Variants in PRKDC observed in about 807,000 individuals in gnomAD.
The protein encoded by PRKDC is protein kinase, DNA-activated, catalytic subunit.
A neutral mutation model predicts 486.9 loss-of-function variants in PRKDC; 82 were observed. The ratio of observed to expected loss-of-function variants is 0.17; its 90% CI spans 0.14 to 0.20. PRKDC has a LOEUF of 0.20. Ranked by LOEUF, PRKDC falls within the 10% of genes least tolerant of loss-of-function variation. PRKDC has a pLI of 1.00. For synonymous variants in PRKDC, 1,895 were observed against 1,837.0 expected, an observed-to-expected ratio of 1.03 and a Z score of -0.81; for missense variants, 4,504 against 5,038.2, an observed-to-expected ratio of 0.89 and a Z score of 3.21.
chr8:47,952,933 A>G (rs2090649484), intron 7 of PRKDC, among the ~76,000 whole-genome samples: 1 of 152,196 alleles, frequency 6.6e-6, no homozygotes. Context: ...TGAGGTCAGG[A>G]GTTCGAAACC....
rs1438755115 is a variant in PRKDC at position 47,820,699 on chromosome 8, T to C, written c.9336+20A>G. On this transcript the variant is annotated intron_variant, in intron 66 of 85. Coordinates refer to ENST00000314191, the MANE Select transcript of PRKDC (RefSeq NM_006904.7). ...TACACTATATATATACAAGCATATA[T>C]ATATAATATATAGTATTACCTGCAT... The C allele has an allele frequency of 2.4e-6, 3 of 1,254,350 alleles. No homozygotes were observed. Among genetic ancestry groups the C allele is most frequent in the Non-Finnish European group, 3.2e-6 (3 of 928,366 alleles). 77.7% of individuals were successfully genotyped at this position (1,254,350 alleles called of 1,614,324 possible). A position where few individuals can be genotyped will look rare whatever the true frequency, so the allele number is the denominator to read the frequency against.
chr8:47,890,286 G>A lies in PRKDC; in HGVS notation c.4042C>T (p.Leu1348=). Residue 1348 remains leucine, a synonymous_variant, in exon 32 of 86, where the codon CTG becomes TTG. Coordinates refer to ENST00000314191, the MANE Select transcript of PRKDC (RefSeq NM_006904.7). The part of the protein sequence containing the change: ...VVRIMEFTTT[L]LNTSPEGWKL... ...CATCCTTCCGGGGAGGTGTTTAGCA[G>A]AGTCGTGGTAAACTCCATAATCCGG... is the stretch of plus-strand genomic sequence containing the variant. 1 of 1,612,206 alleles carries A rather than the reference G, an allele frequency of 6.2e-7. No individual in the cohort carries two copies. Among genetic ancestry groups the A allele is most frequent in the South Asian group, 1.1e-5 (1 of 90,842 alleles).
intron 35 of PRKDC, 61 bp downstream of exon 35, chr8:47,887,486 G>A: frequency 7.2e-7 from 1 of 1,391,292 alleles, no homozygotes. Context: ...AGAGACACCT[G>A]CAAGTGACAT....
At chr8:47,873,499 ATGCCAC>A (rs2089009355) in intron 40 of PRKDC, among the ~76,000 whole-genome samples, 1 of 152,054 alleles carries the variant, frequency 6.6e-6, no homozygotes. Flanking sequence ...AGCCGAGATC[ATGCCAC>A]TGCACTCCAG....
At chr8:47,801,668 T>C (rs781584158) in intron 70 of PRKDC, among the ~76,000 whole-genome samples, 12 of 152,126 alleles carry the variant, frequency 7.9e-5, no homozygotes, top group East Asian at 1.9e-4. Context: ...GATCTTTAAA[T>C]TGGCACTGTG....
At chr8:47,783,980 C>T (rs958847318) in intron 77 of PRKDC, 171 bp from the exon 78 acceptor site, 14 of 657,028 alleles carry the variant, frequency 2.1e-5, no homozygotes, top group Admixed American at 1.0e-4. Flanking sequence ...ATTTCTCGGC[C>T]GGGCACAGTG....
chr8:47,889,024 T>C lies in PRKDC; in HGVS notation c.4270A>G (p.Thr1424Ala), dbSNP rs1288226421. ...GACCCAAGTACCCACCTCTGTGCTG[T>C]TATTTTCTCTCTCAGATGGGTCTCT... ...ILETHLREKI[T>A]AQSIEELCAV... The change falls in exon 33 of 86, where the codon ACA becomes GCA. Residue 1424 changes from threonine to alanine, a missense_variant. Around this residue, in one of 6 missense-constraint regions of PRKDC, gnomAD observed 1,969 missense variants for 2,068.9 expected, o/e 0.95. Transcript: ENST00000314191. The C allele has an allele frequency of 1.9e-6, 3 of 1,613,714 alleles. No homozygotes were observed. The African/African-American group carries it at 4.0e-5, about 22-fold the overall frequency.
intron 40 of PRKDC, among the ~76,000 whole-genome samples, chr8:47,873,865 G>C (rs1040184648): frequency 6.6e-6 from 1 of 151,980 alleles, no homozygotes; most frequent in Non-Finnish European, 1.5e-5. Context: ...AGGCTGGAAA[G>C]GGTAAGAGGG....
chr8:47,808,244 C>T (rs1213861652), intron 68 of PRKDC, among the ~76,000 whole-genome samples: 1 of 152,160 alleles, frequency 6.6e-6, no homozygotes, highest in African/African-American at 2.4e-5. Context: ...TAAGCTCACA[C>T]AATCCTCTTC....
chr8:47,836,555 T>A (rs1191426545), intron 57 of PRKDC, 28 bp from the exon 58 acceptor site: 1 of 1,533,382 alleles, frequency 6.5e-7, no homozygotes, highest in Non-Finnish European at 8.9e-7. Flanking sequence ...TCAAATGAAA[T>A]AAAGTTTCAA....
intron 25 of PRKDC, among the ~76,000 whole-genome samples, chr8:47,907,064 A>C (rs1252457761): frequency 6.6e-6 from 1 of 150,596 alleles, no homozygotes; most frequent in Non-Finnish European, 1.5e-5. Context: ...TTTGAGACGG[A>C]GTCTCGCTCT....
chr8:47,872,165 G>GT (rs1280932859), intron 40 of PRKDC, among the ~76,000 whole-genome samples: 1 of 152,112 alleles, frequency 6.6e-6, no homozygotes, highest in African/African-American at 2.4e-5. Context: ...ATTTTTATTA[G>GT]TTTTTTCTCT....
At position 47,937,112 on chromosome 8, in the gene PRKDC, T is replaced by A. The variant is rs1373572211; in HGVS notation, c.1114-595A>T. On this transcript the variant is annotated intron_variant, in intron 11 of 85. Coordinates refer to ENST00000314191, the MANE Select transcript of PRKDC (RefSeq NM_006904.7). ...CTACTTAAAAAAAAAAAAAAAAAAATTGGCCAGGCATGGTGGCGCACAACT... is the reference window on the plus strand; with the variant it reads ...CTACTTAAAAAAAAAAAAAAAAAAAATGGCCAGGCATGGTGGCGCACAACT... 8.6e-5 allele frequency among the ~76,000 whole-genome samples: 12 copies of A among 139,062 alleles called. No homozygotes were observed. The East Asian group carries it at 1.3e-3, about 15-fold the overall frequency. The allele number at this position is 139,062 out of a possible 152,430, so 91.2% of individuals were successfully genotyped here.
rs2087230374 is a variant in PRKDC at position 47,807,184 on chromosome 8, A to G, written c.9700T>C (p.Cys3234Arg). Residue 3234 changes from cysteine to arginine, a missense_variant, in exon 69 of 86, where the codon TGC (cysteine) becomes CGC (arginine). Transcript: ENST00000314191. ...EEDISSLIRS[C>R]KFSMKMKMID... ...ATCTTCATTTTCATGGAAAACTTGC[A>G]ACTCCTGATCAGGGAGCTGATATCT... 1 of 1,613,774 alleles carries G rather than the reference A, an allele frequency of 6.2e-7. No homozygotes were observed. The highest frequency in any genetic ancestry group is 8.5e-7 in the Non-Finnish European group (1 of 1,179,740).
Position 47,862,095 on chromosome 8 carries a change from C to A in PRKDC, c.5952G>T (p.Leu1984=). ...NLLIFENLID[L]KRRYNFPVEV... is the part of the protein sequence containing the mutation. Reference sequence around the variant, plus strand: ...CTACAGGAAAATTATAGCGGCGCTTCAGGTCGATCAGATTTTCAAAAATAA... The same window carrying A: ...CTACAGGAAAATTATAGCGGCGCTTAAGGTCGATCAGATTTTCAAAAATAA... The change falls in exon 44 of 86, where the codon CTG becomes CTT. Residue 1984 remains leucine (L), a synonymous_variant. Transcript: ENST00000314191. 1.9e-6 allele frequency: 3 copies of A among 1,552,576 alleles called. No individual in the cohort carries two copies. Among genetic ancestry groups the A allele is most frequent in the Non-Finnish European group, 2.6e-6 (3 of 1,146,446 alleles).
At chr8:47,778,176 C>T (rs971625976) in intron 83 of PRKDC, among the ~76,000 whole-genome samples, 11 of 152,190 alleles carry the variant, frequency 7.2e-5, no homozygotes, top group Non-Finnish European at 1.5e-4. Context: ...TTTGACCAGA[C>T]ATTTTTATTA....
intron 69 of PRKDC, 140 bp from the exon 70 acceptor site, chr8:47,803,620 T>TG: frequency 1.3e-6 from 1 of 742,518 alleles, no homozygotes; most frequent in South Asian, 1.7e-5. Flanking sequence ...CAATTATGTC[T>TG]CTAAATTTAT....
rs567823552 is a variant in PRKDC, at chr8:47,911,776, A to T, written c.2934+634T>A. ...ATAGCTATTTTTTATTTATTTATTT[A>T]TTTTTTTTTTTGAGAATGAGTCTCA... On this transcript the variant is annotated intron_variant, in intron 25 of 85. Coordinates refer to ENST00000314191, the MANE Select transcript of PRKDC (RefSeq NM_006904.7). Among the ~76,000 whole-genome samples, 190 of 147,016 alleles carry T rather than the reference A, an allele frequency of 1.3e-3. 1 individual carries two copies. Among genetic ancestry groups the T allele is most frequent in the Middle Eastern group, 7.0e-3 (2 of 284 alleles).
intron 61 of PRKDC, among the ~76,000 whole-genome samples, chr8:47,829,652 A>C (rs2087819551): frequency 6.6e-6 from 1 of 152,196 alleles, no homozygotes; most frequent in African/African-American, 2.4e-5. Context: ...TGGCTAAATC[A>C]AAAGCACAAT....
Sources: gnomAD v4.1 joint callset for allele counts (sites outside exome capture counted in the v4.1 genomes callset) on GRCh38, gnomAD v4.1.1 for gene constraint, gnomAD v4.1.1 regional missense constraint, MANE v1.5 for transcripts, NCBI Gene and HGNC (gene_info 2026-07-23, HGNC 2026-07-21) for gene names.